Variants in SEMA3A observed in about 807,000 individuals in gnomAD.
SEMA3A encodes semaphorin 3A, also known as semaphorin-3A.
SEMA3A carries 29 observed loss-of-function variants against 97.9 expected under a neutral mutation model. The ratio of observed to expected loss-of-function variants is 0.30; its 90% confidence interval spans 0.22 to 0.40. The LOEUF (loss-of-function observed/expected upper bound fraction) is 0.40, where lower values mean the gene tolerates loss of function less well. Ranked by LOEUF, SEMA3A falls within the 10% of genes least tolerant of loss-of-function variation. SEMA3A has a pLI of 1.00. For synonymous variants in SEMA3A, 321 were observed against 323.7 expected (o/e 0.99, Z 0.09); for missense variants, 763 against 951.3 (o/e 0.80, Z 2.60).
intron 2 of SEMA3A, among the ~76,000 whole-genome samples, chr7:84,133,554 T>C (rs1426683473): frequency 3.3e-5 from 5 of 152,074 alleles, no homozygotes; most frequent in Admixed American, 3.3e-4. Context: ...CTAATACAAA[T>C]AGAAACAGAC....
intron 5 of SEMA3A, among the ~76,000 whole-genome samples, chr7:84,057,759 A>AATAAATAC (rs71891472): frequency 1.6e-4 from 24 of 149,674 alleles, no homozygotes; most frequent in Admixed American, 5.3e-4. Flanking sequence ...AAGATAAATA[A>AATAAATAC]ATAAATAAAT....
At chr7:84,187,337 T>A (rs909785891) in intron 1 of SEMA3A, among the ~76,000 whole-genome samples, 3 of 152,168 alleles carry the variant, frequency 2.0e-5, no homozygotes, top group Non-Finnish European at 2.9e-5. Context: ...AGTAGAAACC[T>A]CACTTTCTTT....
intron 2 of SEMA3A, among the ~76,000 whole-genome samples, chr7:84,365,410 A>AT (rs1802822827): frequency 6.6e-6 from 1 of 151,564 alleles, no homozygotes; most frequent in African/African-American, 2.4e-5. Context: ...TATACTTGAA[A>AT]TAGAGGCTGA....
chr7:84,066,840 T>C (rs1222721611), intron 4 of SEMA3A, among the ~76,000 whole-genome samples: 2 of 152,086 alleles, frequency 1.3e-5, no homozygotes, highest in Non-Finnish European at 2.9e-5. Context: ...AAAATGGCCA[T>C]ACTGCCCAAG....
chr7:84,052,179 G>T (rs986367003), intron 5 of SEMA3A, among the ~76,000 whole-genome samples: 80 of 151,286 alleles, frequency 5.3e-4, no homozygotes, highest in African/African-American at 1.5e-3. Context: ...TCTCTTTTTT[G>T]GTTGTGTCTC....
At chr7:84,235,179 A>C (rs955324182) in intron 3 of SEMA3A, among the ~76,000 whole-genome samples, 1 of 152,116 alleles carries the variant, frequency 6.6e-6, no homozygotes, top group Non-Finnish European at 1.5e-5. Context: ...TCAATTGTTC[A>C]TAATGGACTT....
rs1197621328 is a variant in SEMA3A, at chr7:84,462,500, G to T, written c.-246+29960C>A. Among the ~76,000 whole-genome samples, 6 of 152,222 alleles carry T rather than the reference G, an allele frequency of 3.9e-5. No homozygotes were observed. The East Asian group carries it at 1.2e-3, about 29-fold the overall frequency. On this transcript the variant is annotated intron_variant, in intron 1 of 3. Coordinates refer to the SEMA3A transcript ENST00000424555. ...ACACTAGCTCCACAGGATCATTACA[G>T]ACTCTTATTTTTGAAATTAGAATAG...
intron 12 of SEMA3A, among the ~76,000 whole-genome samples, chr7:83,992,376 G>C (rs1162494867): frequency 1.4e-5 from 2 of 139,180 alleles, no homozygotes; most frequent in Non-Finnish European, 3.1e-5. Context: ...GAATGTGTTT[G>C]CTCTTGCTTT....
intron 1 of SEMA3A, among the ~76,000 whole-genome samples, chr7:84,385,295 G>T (rs1239547813): frequency 1.3e-5 from 2 of 152,128 alleles, no homozygotes; most frequent in Non-Finnish European, 2.9e-5. Context: ...GTCCATGGTT[G>T]TCTGTGTCTC....
At chr7:84,212,562 C>T (rs10225039) in intron 3 of SEMA3A, among the ~76,000 whole-genome samples, 1,645 of 152,274 alleles carry the variant, frequency 0.011, 34 homozygotes, top group African/African-American at 0.037. Flanking sequence ...ATTCATTATA[C>T]TAGTCAACAT....
At chr7:84,338,530 TAA>T (rs1466811174) in intron 2 of SEMA3A, among the ~76,000 whole-genome samples, 1 of 152,156 alleles carries the variant, frequency 6.6e-6, no homozygotes, top group Non-Finnish European at 1.5e-5. Context: ...AAAGAAATGT[TAA>T]AGTTACCCTC....
At chr7:84,131,012 T>C (rs1456882998) in intron 2 of SEMA3A, among the ~76,000 whole-genome samples, 2 of 152,014 alleles carry the variant, frequency 1.3e-5, no homozygotes, top group African/African-American at 4.8e-5. Context: ...TTTATCTAAG[T>C]AAAATATTTA....
intron 12 of SEMA3A, among the ~76,000 whole-genome samples, chr7:83,990,861 C>G (rs1459330036): frequency 7.3e-5 from 11 of 151,312 alleles, no homozygotes; most frequent in African/African-American, 2.2e-4. Flanking sequence ...TGAAGAAAGG[C>G]ATTGGTAGCT....
In SEMA3A at chr7:84,134,694, C is replaced by T. The variant is rs535479215; in HGVS notation, c.270+100G>A. On this transcript the variant is annotated intron_variant, in intron 2 of 16. Transcript: ENST00000265362. ...GAAAAGACAAACTATTAATTCAAAACAATTTTCTGTCAGTAATCATGCTTT... is the reference window on the plus strand; with the variant it reads ...GAAAAGACAAACTATTAATTCAAAATAATTTTCTGTCAGTAATCATGCTTT... The T allele has an allele frequency of 1.2e-4, 108 of 921,040 alleles. 3 individuals are homozygous for T. In the Admixed American group the frequency reaches 3.3e-3, roughly 29 times the overall value. The allele number at this position is 921,040 out of a possible 1,614,324, so 57.1% of individuals were successfully genotyped here.
chr7:84,149,384 G>A (rs1796559704), intron 1 of SEMA3A, among the ~76,000 whole-genome samples: 1 of 152,156 alleles, frequency 6.6e-6, no homozygotes, highest in Non-Finnish European at 1.5e-5. Context: ...ATGTGAGCCA[G>A]GTTTGGTTTA....
intron 1 of SEMA3A, among the ~76,000 whole-genome samples, chr7:84,187,355 G>A (rs530415244): frequency 2.6e-5 from 4 of 152,242 alleles, no homozygotes; most frequent in African/African-American, 9.6e-5. Context: ...TTTTCTGGCT[G>A]TATATACTGT....
At chr7:84,387,829 C>T (rs1016423928) in intron 1 of SEMA3A, among the ~76,000 whole-genome samples, 10 of 152,090 alleles carry the variant, frequency 6.6e-5, no homozygotes, top group African/African-American at 2.4e-4. Context: ...GAGTTTATAT[C>T]AACAGAAAGA....
chr7:84,255,944 A>T (rs1191891554), intron 3 of SEMA3A, among the ~76,000 whole-genome samples: 1 of 150,340 alleles, frequency 6.7e-6, no homozygotes, highest in African/African-American at 2.5e-5. Flanking sequence ...ATATCTAGAG[A>T]TTTATAATCC....
In SEMA3A at chr7:84,186,869, C is replaced by T. The variant is rs114377104; in HGVS notation, c.112+7606G>A. On this transcript the variant is annotated intron_variant, in intron 1 of 16. Transcript: ENST00000265362. Reference sequence around the variant, plus strand: ...GAAATTAGCCTACTATCCTCTCCCACCCTCTCAATCAGTATCTTAAACAAA... The same window carrying T: ...GAAATTAGCCTACTATCCTCTCCCATCCTCTCAATCAGTATCTTAAACAAA... Among the ~76,000 whole-genome samples the T allele has an allele frequency of 3.9e-5, 6 of 152,224 alleles. No individual in the cohort carries two copies. In the East Asian group the frequency reaches 9.6e-4, roughly 24 times the overall value.
Sources: allele counts gnomAD v4.1 joint callset (sites outside exome capture counted in the v4.1 genomes callset), GRCh38; gene constraint gnomAD v4.1.1; transcripts MANE v1.5; gene names NCBI Gene and HGNC (gene_info 2026-07-23, HGNC 2026-07-21).